Variants in ESR1 observed in about 807,000 individuals in gnomAD.
ESR1 encodes estrogen receptor 1, also known as estrogen receptor.
In ESR1, 12 loss-of-function variants were observed where a neutral mutation model predicts 52.7. The observed-to-expected ratio is 0.23, with a 90% CI of 0.15 to 0.37. The LOEUF (loss-of-function observed/expected upper bound fraction) is 0.37, where lower values mean the gene tolerates loss of function less well. ESR1 is among the 10% of genes least tolerant of loss of function. The pLI is 1.00. For missense variants in ESR1, 584 were observed against 779.7 expected (o/e 0.75, Z 2.99); for synonymous variants, 305 against 316.8 (o/e 0.96, Z 0.39).
intron 2 of ESR1, among the ~76,000 whole-genome samples, chr6:151,797,114 A>T (rs563371612): frequency 2.0e-5 from 3 of 152,254 alleles, no homozygotes; most frequent in Non-Finnish European, 2.9e-5. Flanking sequence ...CTGGGGTTAC[A>T]AGTGTTACTG....
intron 5 of ESR1, among the ~76,000 whole-genome samples, chr6:152,020,200 A>G (rs1335818631): frequency 6.6e-6 from 1 of 152,154 alleles, no homozygotes; most frequent in Non-Finnish European, 1.5e-5. Flanking sequence ...TGCCATGCAG[A>G]GTATTTAGTA....
upstream of ESR1, among the ~76,000 whole-genome samples, chr6:151,688,965 A>G (rs1778794469): frequency 6.6e-6 from 1 of 152,214 alleles, no homozygotes; most frequent in African/African-American, 2.4e-5. Flanking sequence ...AATATCAATA[A>G]TAGTTTTTTA....
chr6:151,719,168 G>T (rs749823298), intron 2 of ESR1, among the ~76,000 whole-genome samples: 1 of 152,188 alleles, frequency 6.6e-6, no homozygotes, highest in Non-Finnish European at 1.5e-5. Flanking sequence ...ACATCTTGCC[G>T]TTGTTTACAT....
chr6:151,879,250 G>A (rs1309793132), intron 2 of ESR1, among the ~76,000 whole-genome samples: 1 of 152,198 alleles, frequency 6.6e-6, no homozygotes, highest in Non-Finnish European at 1.5e-5. Flanking sequence ...TATCAACATT[G>A]TAAGCTGCTT....
rs78891600 is a variant in ESR1, at chr6:151,702,294, A to G, written c.-71+289A>G. On this transcript the variant is annotated intron_variant, in intron 2 of 2. Transcript: ENST00000404742. ...TGCATAGTATCAGAGAGGTTAACCA[A>G]TTTATTTACATACTCAATAGTCCAC... is the stretch of plus-strand genomic sequence containing the variant. Among the ~76,000 whole-genome samples the G allele has an allele frequency of 9.2e-3, 1,397 of 152,276 alleles. 23 individuals carry two copies. Among genetic ancestry groups the G allele is most frequent in the African/African-American group, 0.031 (1,281 of 41,546 alleles).
At chr6:151,771,855 G>A (rs1785546470) in intron 2 of ESR1, among the ~76,000 whole-genome samples, 2 of 152,018 alleles carry the variant, frequency 1.3e-5, no homozygotes. Context: ...AACAACAACT[G>A]ACAAATAACT....
In ESR1 at chr6:151,669,189, A is replaced by AGC. The variant is rs774737323; in HGVS notation, n.73+12426_73+12427insGC. 3.4e-4 allele frequency among the ~76,000 whole-genome samples: 30 copies of AGC among 87,130 alleles called. 2 individuals carry two copies. Among genetic ancestry groups the AGC allele is most frequent in the South Asian group, 1.4e-3 (3 of 2,106 alleles). The allele number at this position is 87,130 out of a possible 152,430, so 57.2% of individuals were successfully genotyped here. On this transcript the variant is annotated intron_variant and non_coding_transcript_variant, in intron 1 of 2. Transcript: ENST00000473497. ...GAGAGAGAGAGAGAGAGAGAGAGAGATGGGAATCCAGGGGAGAACAGAACA... is the reference window on the plus strand; with the variant it reads ...GAGAGAGAGAGAGAGAGAGAGAGAGAGCTGGGAATCCAGGGGAGAACAGAACA...
chr6:151,928,993 C>T (rs116468446), intron 3 of ESR1, among the ~76,000 whole-genome samples: 1,543 of 152,152 alleles, frequency 0.01, 18 homozygotes, highest in African/African-American at 0.036. Flanking sequence ...TATCTTGGTG[C>T]GTATTCCATC....
At chr6:152,122,591 C>T in intron 6 of ESR1, 1 of 1,614,198 alleles carries the variant, frequency 6.2e-7, no homozygotes. Flanking sequence ...GGAAGAGCTG[C>T]TCGGAGGACT....
At chr6:151,791,042 G>GAC (rs1189906447) in intron 2 of ESR1, among the ~76,000 whole-genome samples, 5 of 152,168 alleles carry the variant, frequency 3.3e-5, no homozygotes, top group Non-Finnish European at 1.5e-5. Flanking sequence ...TAGAATCATT[G>GAC]CATCTGGTCA....
chr6:151,845,888 C>T (rs1445949107), intron 2 of ESR1, among the ~76,000 whole-genome samples: 1 of 152,072 alleles, frequency 6.6e-6, no homozygotes, highest in Non-Finnish European at 1.5e-5. Flanking sequence ...CTAACAAAGC[C>T]CTATGCAAGA....
intron 4 of ESR1, among the ~76,000 whole-genome samples, chr6:152,003,962 A>G (rs1446966814): frequency 6.6e-6 from 1 of 152,026 alleles, no homozygotes; most frequent in Non-Finnish European, 1.5e-5. Flanking sequence ...TAAAATTTAT[A>G]TTTAAAGTAA....
chr6:151,842,293 A>G (rs904687415), intron 1 of ESR1, among the ~76,000 whole-genome samples: 1 of 152,144 alleles, frequency 6.6e-6, no homozygotes, highest in Admixed American at 6.5e-5. Context: ...ATAATTGTAT[A>G]TTCCTGCAAA....
chr6:152,039,506 G>C (rs2045607511), intron 5 of ESR1, among the ~76,000 whole-genome samples: 1 of 152,008 alleles, frequency 6.6e-6, no homozygotes, highest in Non-Finnish European at 1.5e-5. Context: ...TCATTATTGT[G>C]TCTCCTGGTG....
At chr6:152,054,983 G>A (rs2046982461) in intron 5 of ESR1, among the ~76,000 whole-genome samples, 1 of 152,012 alleles carries the variant, frequency 6.6e-6, no homozygotes, top group South Asian at 2.1e-4. Flanking sequence ...TATCCTCCAG[G>A]TCCATCCATG....
intron 3 of ESR1, among the ~76,000 whole-genome samples, chr6:151,903,375 G>A (rs929078391): frequency 6.6e-6 from 1 of 152,146 alleles, no homozygotes; most frequent in African/African-American, 2.4e-5. Flanking sequence ...GCGCTGGTGT[G>A]TAGTGATTTG....
At chr6:151,864,974 A>T (rs1355925067) in intron 2 of ESR1, among the ~76,000 whole-genome samples, 1 of 150,880 alleles carries the variant, frequency 6.6e-6, no homozygotes, top group Non-Finnish European at 1.5e-5. Flanking sequence ...GCATTAGGAG[A>T]TATAACTAAT....
At chr6:151,899,295 G>T (rs1469423971) in intron 3 of ESR1, among the ~76,000 whole-genome samples, 1 of 127,722 alleles carries the variant, frequency 7.8e-6, no homozygotes, top group Admixed American at 7.5e-5. Context: ...CTGGCCGGGC[G>T]GGGGGCTGAC....
intron 5 of ESR1, among the ~76,000 whole-genome samples, chr6:152,022,248 G>C (rs965886867): frequency 6.6e-6 from 1 of 152,150 alleles, no homozygotes; most frequent in Non-Finnish European, 1.5e-5. Context: ...TTGGAGTGTG[G>C]AAAGGAAGAT....
Sources: allele counts gnomAD v4.1 joint callset (sites outside exome capture counted in the v4.1 genomes callset), GRCh38; gene constraint gnomAD v4.1.1; transcripts MANE v1.5; gene names NCBI Gene and HGNC (gene_info 2026-07-23, HGNC 2026-07-21).